Variants in MNAT1 observed in about 807,000 individuals in gnomAD.
The protein encoded by MNAT1 is MNAT1 component of CDK activating kinase, also known as CDK-activating kinase assembly factor MAT1.
A neutral mutation model predicts 42.0 loss-of-function variants in MNAT1; 43 were observed. That is an observed-to-expected ratio of 1.02 (90% CI 0.80 to 1.32). The LOEUF is 1.32. Ranked by LOEUF, MNAT1 falls within the 40% of genes most tolerant of loss-of-function variation. MNAT1 has a pLI of 0.00. For synonymous variants in MNAT1, 118 were observed against 120.0 expected (o/e 0.98, Z 0.11); for missense variants, 306 against 350.4 (o/e 0.87, Z 1.01).
chr14:60,770,293 TTA>T (rs1024434847), intron 1 of MNAT1, among the ~76,000 whole-genome samples: 2 of 152,010 alleles, frequency 1.3e-5, no homozygotes, highest in African/African-American at 4.8e-5. Flanking sequence ...TAATATTTCA[TTA>T]TATATATATA....
chr14:60,824,152 A>G (rs1361073378), intron 6 of MNAT1, among the ~76,000 whole-genome samples: 1 of 152,118 alleles, frequency 6.6e-6, no homozygotes, highest in South Asian at 2.1e-4. Flanking sequence ...GTGAGACTCC[A>G]TCTCAAAAAA....
intron 7 of MNAT1, among the ~76,000 whole-genome samples, chr14:60,907,404 G>C (rs1397678444): frequency 7.7e-6 from 1 of 129,914 alleles, no homozygotes; most frequent in Non-Finnish European, 1.5e-5. Context: ...TTGCACTCCA[G>C]CCTGTGTGAC....
intron 1 of MNAT1, among the ~76,000 whole-genome samples, chr14:60,762,969 T>A (rs1333118097): frequency 6.6e-6 from 1 of 152,166 alleles, no homozygotes; most frequent in Non-Finnish European, 1.5e-5. Context: ...TTATCATGTA[T>A]GGACTTTAAA....
At chr14:60,909,174 G>T (rs1422840752) in intron 7 of MNAT1, among the ~76,000 whole-genome samples, 1 of 151,974 alleles carries the variant, frequency 6.6e-6, no homozygotes, top group African/African-American at 2.4e-5. Flanking sequence ...GGGGTTTTTT[G>T]TTTTTTTCTT....
chr14:60,935,686 A>G (rs1412405061), intron 7 of MNAT1, among the ~76,000 whole-genome samples: 1 of 152,214 alleles, frequency 6.6e-6, no homozygotes, highest in Non-Finnish European at 1.5e-5. Flanking sequence ...TGCCAGGAAT[A>G]AGAGTATGAT....
intron 6 of MNAT1, among the ~76,000 whole-genome samples, chr14:60,860,385 C>T (rs2034067848): frequency 8.4e-6 from 1 of 118,568 alleles, no homozygotes; most frequent in South Asian, 2.7e-4. Context: ...CAGAGTCTTA[C>T]TCTGTCGCCT....
intron 7 of MNAT1, among the ~76,000 whole-genome samples, chr14:60,892,650 G>T (rs2034870763): frequency 1.3e-5 from 2 of 152,052 alleles, no homozygotes; most frequent in Admixed American, 1.3e-4. Flanking sequence ...TTTTACATGT[G>T]CCTTATAGCT....
At chr14:60,743,531 C>T (rs186743333) in intron 1 of MNAT1, among the ~76,000 whole-genome samples, 4 of 152,306 alleles carry the variant, frequency 2.6e-5, no homozygotes, top group South Asian at 2.1e-4. Context: ...TCAGGTGATT[C>T]GCCTGCCTCA....
intron 7 of MNAT1, among the ~76,000 whole-genome samples, chr14:60,909,859 A>T (rs970828879): frequency 1.3e-5 from 2 of 151,974 alleles, no homozygotes; most frequent in Non-Finnish European, 2.9e-5. Context: ...AATTCTGTGA[A>T]GAAAGTCATT....
At chr14:60,736,880 A>T (rs549172752) in intron 1 of MNAT1, among the ~76,000 whole-genome samples, 1 of 152,152 alleles carries the variant, frequency 6.6e-6, no homozygotes, top group African/African-American at 2.4e-5. Flanking sequence ...CTATTTTATT[A>T]TTATTATTCT....
chr14:60,873,685 G>A (rs1347857815), intron 6 of MNAT1, among the ~76,000 whole-genome samples: 1 of 149,402 alleles, frequency 6.7e-6, no homozygotes, highest in East Asian at 2.0e-4. Flanking sequence ...TGCCCAGGCT[G>A]GTCTCAAGCA....
At chr14:60,797,623 G>T (rs2139329120) in intron 2 of MNAT1, among the ~76,000 whole-genome samples, 1 of 152,110 alleles carries the variant, frequency 6.6e-6, no homozygotes, top group East Asian at 1.9e-4. Context: ...TACAAACCTG[G>T]TGTCAAGAAA....
At chr14:60,746,415 T>C (rs1226826198) in intron 1 of MNAT1, among the ~76,000 whole-genome samples, 1 of 151,118 alleles carries the variant, frequency 6.6e-6, no homozygotes, top group Non-Finnish European at 1.5e-5. Context: ...CTCGGGAGGA[T>C]GAGGCAGGAG....
At chr14:60,928,656 G>C in intron 7 of MNAT1, among the ~76,000 whole-genome samples, 1 of 151,946 alleles carries the variant, frequency 6.6e-6, no homozygotes, top group South Asian at 2.1e-4. Context: ...TATGATGTCT[G>C]TTCAGATCTT....
At chr14:60,779,964 A>G in intron 1 of MNAT1, 3 of 1,533,394 alleles carry the variant, frequency 2.0e-6, no homozygotes, top group South Asian at 1.1e-5. Context: ...GTCCCTGGCC[A>G]TGTGTCCCTG....
At position 60,968,322 on chromosome 14, in the gene MNAT1, C is replaced by T; in HGVS notation, c.903C>T (p.Phe301=). ...GTCACAGAGCACTACAGGATGCATTCAGTGGGCTTTTCTGGCAGCCCAGTT... is the reference window on the plus strand; with the variant it reads ...GTCACAGAGCACTACAGGATGCATTTAGTGGGCTTTTCTGGCAGCCCAGTT... ...LACHRALQDA[F]SGLFWQPS The change falls in exon 8 of 8, where the codon TTC becomes TTT. Residue 301 remains phenylalanine (F), a synonymous_variant. Coordinates refer to ENST00000261245, the MANE Select transcript of MNAT1 (RefSeq NM_002431.4). 1 of 1,613,344 alleles carries T rather than the reference C, an allele frequency of 6.2e-7. No individual in the cohort carries two copies. The highest frequency in any genetic ancestry group is 8.5e-7 in the Non-Finnish European group (1 of 1,179,758).
At chr14:60,826,959 A>G (rs1373885170) in intron 6 of MNAT1, among the ~76,000 whole-genome samples, 1 of 152,130 alleles carries the variant, frequency 6.6e-6, no homozygotes, top group Non-Finnish European at 1.5e-5. Flanking sequence ...TTTGGGAACA[A>G]GCGAAGGCAC....
chr14:60,851,219 G>A (rs2033812327), intron 6 of MNAT1, among the ~76,000 whole-genome samples: 1 of 152,114 alleles, frequency 6.6e-6, no homozygotes, highest in Non-Finnish European at 1.5e-5. Context: ...AAACAATCTG[G>A]TGAGATCTTG....
At chr14:60,750,546 TTTTTTTG>T in intron 1 of MNAT1, among the ~76,000 whole-genome samples, 1 of 151,162 alleles carries the variant, frequency 6.6e-6, no homozygotes, top group African/African-American at 2.4e-5. Flanking sequence ...TTTTTTTTTT[TTTTTTTG>T]AAACAAGGAG....
Sources: gnomAD v4.1 joint callset for allele counts (sites outside exome capture counted in the v4.1 genomes callset) on GRCh38, gnomAD v4.1.1 for gene constraint, MANE v1.5 for transcripts, NCBI Gene and HGNC (gene_info 2026-07-23, HGNC 2026-07-21) for gene names.